HMG20B: variants seen among roughly 807,000 people sequenced by gnomAD.
The protein encoded by HMG20B is SWI/SNF-related matrix-associated actin-dependent regulator of chromatin subfamily E member 1-related.
HMG20B carries 24 observed loss-of-function variants against 41.6 expected under a neutral mutation model. The ratio of observed to expected loss-of-function variants is 0.58; its 90% CI spans 0.42 to 0.81. The LOEUF (loss-of-function observed/expected upper bound fraction) is 0.81. Ranked by LOEUF, HMG20B falls within the 30% of genes least tolerant of loss-of-function variation. The pLI is 0.00. For missense variants in HMG20B, 461 were observed against 444.0 expected (o/e 1.04, Z -0.34); for synonymous variants, 251 against 186.6 (o/e 1.34, Z -2.81).
At chr19:3,574,150 A>G (rs2032104334) in intron 3 of HMG20B, 2 of 612,718 alleles carry the variant, frequency 3.3e-6, no homozygotes, top group Admixed American at 2.9e-5. Flanking sequence ...CCAACCCTGT[A>G]CTCAAACCTC....
Position 3,578,734 on chromosome 19 carries a change from G to C in HMG20B, c.*213G>C. ...AACCCGGAAAAAGCACTCGCTGCGC[G>C]ATACACCCAGAAGAACCTCACAGCC... On this transcript the variant is annotated 3_prime_UTR_variant, in exon 10 of 10. Coordinates refer to ENST00000333651, the MANE Select transcript of HMG20B (RefSeq NM_006339.3). The C allele has an allele frequency of 1.3e-6, 1 of 773,890 alleles. No homozygotes were observed. The highest frequency in any genetic ancestry group is 2.3e-6 in the Non-Finnish European group (1 of 438,220). 47.9% of individuals were successfully genotyped at this position (773,890 alleles called of 1,614,324 possible). A position where few individuals can be genotyped will look rare whatever the true frequency, so the allele number is the denominator to read the frequency against.
In HMG20B at chr19:3,573,009, G is replaced by A; in HGVS notation, c.-19+15G>A. 1 of 377,130 alleles carries A rather than the reference G, an allele frequency of 2.7e-6. No homozygotes were observed. The highest frequency in any genetic ancestry group is 4.8e-6 in the Non-Finnish European group (1 of 209,308). The allele number at this position is 377,130 out of a possible 1,614,324, so 23.4% of individuals were successfully genotyped here. ...TTTCTTTGGAGGTGAAAACAGCCGC[G>A]GAACTCCGGGCCCTGAGAGGGGGCG... On this transcript the variant is annotated intron_variant, in intron 1 of 9. Transcript: ENST00000333651.
intron 8 of HMG20B, among the ~76,000 whole-genome samples, chr19:3,577,535 G>T (rs2032197666): frequency 1.1e-5 from 1 of 93,000 alleles, no homozygotes; most frequent in African/African-American, 4.2e-5. Context: ...TCCCTCGCCA[G>T]CCCCCGACCA....
chr19:3,575,708 T>C (rs1406451644), intron 5 of HMG20B, 48 bp downstream of exon 5: 3 of 1,512,090 alleles, frequency 2.0e-6, no homozygotes, highest in South Asian at 1.2e-5. Flanking sequence ...CCCAGCACTT[T>C]GGGAGGCCGA....
At position 3,573,633 on chromosome 19, in the gene HMG20B, G is replaced by A. The variant is rs748661787; in HGVS notation, c.39-59G>A. On this transcript the variant is annotated intron_variant, in intron 2 of 9. Coordinates refer to ENST00000333651, the MANE Select transcript of HMG20B (RefSeq NM_006339.3). ...TCGGGGGTCAAAACGCCCTGGGGTG[G>A]GCTTTTGGGGGAGGGGAGATTCTTG... 9.3e-6 allele frequency: 13 copies of A among 1,405,384 alleles called. No homozygotes were observed. In the East Asian group the frequency reaches 3.0e-4, roughly 32 times the overall value. 87.1% of individuals were successfully genotyped at this position (1,405,384 alleles called of 1,614,324 possible). A position where few individuals can be genotyped will look rare whatever the true frequency, so the allele number is the denominator to read the frequency against.
chr19:3,573,300 CG>C lies in HMG20B; in HGVS notation c.-8del, dbSNP rs746705274. The C allele has an allele frequency of 2.6e-6, 4 of 1,524,458 alleles. No individual in the cohort carries two copies. In the Admixed American group the frequency reaches 6.0e-5, roughly 23 times the overall value. 94.4% of individuals were successfully genotyped at this position (1,524,458 alleles called of 1,614,324 possible). ...CCGCGTCCGTGTTCCAGGTCCGGCC[CG>C]GAGCGGCCATGTCCCACGGCCCCAA... is the stretch of plus-strand genomic sequence containing the variant. On this transcript the variant is annotated 5_prime_UTR_variant, in exon 2 of 10. Coordinates refer to ENST00000333651, the MANE Select transcript of HMG20B (RefSeq NM_006339.3).
intron 4 of HMG20B, among the ~76,000 whole-genome samples, chr19:3,575,331 G>A (rs933318551): frequency 2.8e-4 from 43 of 152,296 alleles, no homozygotes; most frequent in Admixed American, 2.6e-4. Context: ...AGGGCTGGAG[G>A]TGGGGAAGAG....
At chr19:3,575,796 T>C in intron 5 of HMG20B, 136 bp downstream of exon 5, 2 of 679,922 alleles carry the variant, frequency 2.9e-6, no homozygotes, top group Admixed American at 5.7e-5. Flanking sequence ...ATACAAAAAT[T>C]ACCTGGGCGT....
intron 8 of HMG20B, 159 bp downstream of exon 8, chr19:3,577,266 T>C: frequency 1.7e-6 from 1 of 576,988 alleles, no homozygotes. Context: ...CCCGCCCTCA[T>C]CACCCCCAGC....
rs768057478 is a variant in HMG20B, at chr19:3,574,594, G to A, written c.351+8G>A. ...CAGCCAACGGAAAAGCAGGTGGGCG[G>A]GGCGGGGCGCCGAGCAGGGCTGGCG... On this transcript the variant is annotated splice_region_variant and intron_variant, in intron 4 of 9. Coordinates refer to ENST00000333651, the MANE Select transcript of HMG20B (RefSeq NM_006339.3). The A allele has an allele frequency of 4.4e-6, 7 of 1,583,590 alleles. No individual in the cohort carries two copies. Among genetic ancestry groups the A allele is most frequent in the Non-Finnish European group, 5.1e-6 (6 of 1,168,118 alleles).
chr19:3,573,233 C>A, intron 1 of HMG20B, 59 bp from the exon 2 acceptor site: 1 of 1,394,434 alleles, frequency 7.2e-7, no homozygotes, highest in African/African-American at 1.5e-5. Context: ...TACCCCAGTT[C>A]GCGGTCTGCC....
chr19:3,576,878 T>TC lies in HMG20B; in HGVS notation c.593-8dup. On this transcript the variant is annotated splice_polypyrimidine_tract_variant and intron_variant, in intron 7 of 9. Coordinates refer to ENST00000333651, the MANE Select transcript of HMG20B (RefSeq NM_006339.3). ...GGGGAGGCGCAGGCTTTGACCCCGC[T>TC]CCCCCCGGCGCAGCGCGTGAGGCGG... The TC allele has an allele frequency of 1.9e-6, 3 of 1,558,670 alleles. No homozygotes were observed. Among genetic ancestry groups the TC allele is most frequent in the Non-Finnish European group, 2.6e-6 (3 of 1,153,004 alleles).
chr19:3,578,009 T>A lies in HMG20B; in HGVS notation c.837T>A (p.Thr279=). The change falls in exon 9 of 10, where the codon ACT becomes ACA. Residue 279 remains threonine, a synonymous_variant. Transcript: ENST00000333651. ...PGTGETPTLG[T]LDFYMARLHG... ...CGGGCGAAACGCCCACGCTGGGCAC[T>A]CTGGACTTCTACATGGCCCGGCTTC... 1.2e-6 allele frequency: 2 copies of A among 1,607,008 alleles called. No homozygotes were observed. The highest frequency in any genetic ancestry group is 1.1e-5 in the South Asian group (1 of 90,674).
chr19:3,578,123 G>T lies in HMG20B; in HGVS notation c.941+10G>T, dbSNP rs1424486291. 6.2e-7 allele frequency: 1 copy of T among 1,607,952 alleles called. No homozygotes were observed. Reference sequence around the variant, plus strand: ...TGGCCCAGGTCGCCAGGTGTGTGCCGGGCGAGGCGGGGCGGGGCCGGGGTT... The same window carrying T: ...TGGCCCAGGTCGCCAGGTGTGTGCCTGGCGAGGCGGGGCGGGGCCGGGGTT... On this transcript the variant is annotated intron_variant, in intron 9 of 9. Transcript: ENST00000333651.
chr19:3,577,785 C>A (rs2032203659), intron 8 of HMG20B, among the ~76,000 whole-genome samples, 196 bp from the exon 9 acceptor site: 1 of 151,200 alleles, frequency 6.6e-6, no homozygotes, highest in South Asian at 2.1e-4. Flanking sequence ...AGCCCCGCGT[C>A]CCCACCCTGT....
intron 9 of HMG20B, 129 bp from the exon 10 acceptor site, chr19:3,578,380 A>G (rs2032220108): frequency 1.5e-6 from 2 of 1,341,368 alleles, no homozygotes; most frequent in Non-Finnish European, 2.0e-6. Context: ...AGATAGGTTC[A>G]ACGCCTGTCC....
In HMG20B at chr19:3,576,977, C is replaced by T. The variant is rs773326341; in HGVS notation, c.678C>T (p.Ser226=). The T allele has an allele frequency of 1.2e-5, 19 of 1,575,360 alleles. No individual in the cohort carries two copies. Among genetic ancestry groups the T allele is most frequent in the Middle Eastern group, 3.6e-4 (2 of 5,486 alleles). Residue 226 remains serine, a synonymous_variant, in exon 8 of 10, where the codon AGC becomes AGT. Transcript: ENST00000333651. ...QNAVLQRHTQ[S]MSSARERLEQ... is the part of the protein sequence containing the mutation. ...CGGTACTGCAGAGGCACACGCAGAG[C>T]ATGAGCAGCGCGCGCGAGCGTCTGG...
intron 1 of HMG20B, 66 bp from the exon 2 acceptor site, chr19:3,573,226 C>T: frequency 7.4e-7 from 1 of 1,348,918 alleles, no homozygotes; most frequent in Non-Finnish European, 9.9e-7. Flanking sequence ...CGCGGGGTAC[C>T]CCAGTTCGCG....
chr19:3,575,565 A>G lies in HMG20B; in HGVS notation c.377A>G (p.Glu126Gly), dbSNP rs913284260. Residue 126 changes from glutamate (E) to glycine (G), a missense_variant, in exon 5 of 10, where the codon GAG becomes GGG. Physicochemically the swap from Glu to Gly is moderately conservative, Grantham distance 98 (BLOSUM62 -2). Transcript: ENST00000333651. ...CGGTACCTGGATGAGGCCGAGAGAG[A>G]GAAGCAGCAGTACATGAAGGAGCTG... Reference protein sequence around the residue: ...KQRYLDEAEREKQQYMKELRA... With the variant: ...KQRYLDEAERGKQQYMKELRA... 1.3e-6 allele frequency: 2 copies of G among 1,561,010 alleles called. No homozygotes were observed. The highest frequency in any genetic ancestry group is 2.7e-5 in the African/African-American group (2 of 73,414).
Sources: gnomAD v4.1 joint callset for allele counts (sites outside exome capture counted in the v4.1 genomes callset) on GRCh38, gnomAD v4.1.1 for gene constraint, MANE v1.5 for transcripts, NCBI Gene and HGNC (gene_info 2026-07-23, HGNC 2026-07-21) for gene names.